Variants in PCDHA4 observed in about 807,000 individuals in gnomAD.
PCDHA4 encodes the protein protocadherin alpha-4.
A neutral mutation model predicts 61.4 loss-of-function variants in PCDHA4; 49 were observed. The ratio of observed to expected loss-of-function variants is 0.80; its 90% CI spans 0.63 to 1.01. PCDHA4 has a LOEUF of 1.01. PCDHA4 is among the 50% of genes least tolerant of loss of function. The pLI, the probability that PCDHA4 is intolerant of heterozygous loss-of-function variation, is 0.00. For synonymous variants in PCDHA4, 590 were observed against 550.3 expected, an observed-to-expected ratio of 1.07 and a Z score of -1.01; for missense variants, 1,254 against 1,235.8, an observed-to-expected ratio of 1.01 and a Z score of -0.22.
At chr5:140,966,712 T>C (rs2153748592) in intron 1 of PCDHA4, 2 of 1,392,090 alleles carry the variant, frequency 1.4e-6, no homozygotes, top group Middle Eastern at 2.7e-4. Flanking sequence ...GGGGCACGGC[T>C]GGGGAAGCTG....
intron 1 of PCDHA4, among the ~76,000 whole-genome samples, chr5:140,935,394 G>A (rs959098226): frequency 2.0e-5 from 3 of 152,088 alleles, no homozygotes; most frequent in East Asian, 1.9e-4. Flanking sequence ...GTTATCCCAC[G>A]GGACTCAAAC....
chr5:140,983,766 T>C (rs1554245666), intron 3 of PCDHA4, among the ~76,000 whole-genome samples: 2 of 152,206 alleles, frequency 1.3e-5, no homozygotes, highest in African/African-American at 4.8e-5. Flanking sequence ...TTCAAATACA[T>C]ATCTACATAC....
chr5:140,848,559 G>C, intron 1 of PCDHA4: 1 of 1,595,568 alleles, frequency 6.3e-7, no homozygotes, highest in Non-Finnish European at 8.6e-7. Context: ...TCTGATCCTC[G>C]CAATGTGGGT....
At chr5:140,823,094 T>C (rs2150122248) in intron 1 of PCDHA4, 2 of 1,614,032 alleles carry the variant, frequency 1.2e-6, no homozygotes, top group Non-Finnish European at 1.7e-6. Flanking sequence ...ACCGCCAGCG[T>C]GTCTGTGGAA....
Position 140,807,653 on chromosome 5 carries a change from G to C in PCDHA4, c.466G>C (p.Gly156Arg). Residue 156 changes from glycine (G) to arginine (R), a missense_variant, in exon 1 of 4, where the codon GGC (glycine) becomes CGC (arginine). Gly to Arg is a moderately radical substitution (Grantham distance 125). Coordinates refer to ENST00000530339, the MANE Select transcript of PCDHA4 (RefSeq NM_018907.4). ...GCTTGACTCTCGGTTTCCACTAGAG[G>C]GCGCCTCGGATGCAGATATCGGGGA... ...RPLDSRFPLE[G>R]ASDADIGENA... 1.9e-6 allele frequency: 3 copies of C among 1,614,186 alleles called. No individual in the cohort carries two copies. The highest frequency in any genetic ancestry group is 2.5e-6 in the Non-Finnish European group (3 of 1,180,028).
chr5:140,963,221 T>C (rs2095749324), intron 1 of PCDHA4, among the ~76,000 whole-genome samples: 1 of 151,808 alleles, frequency 6.6e-6, no homozygotes, highest in Admixed American at 6.6e-5. Context: ...GTGTTTAGAG[T>C]AGACACTGTT....
intron 1 of PCDHA4, among the ~76,000 whole-genome samples, chr5:140,933,379 G>A (rs1403607512): frequency 6.6e-6 from 1 of 151,928 alleles, no homozygotes; most frequent in East Asian, 1.9e-4. Flanking sequence ...TTCCTTGGCT[G>A]TTCCTAGAGC....
Position 140,927,631 on chromosome 5 carries a change from C to T in PCDHA4, c.2386-51318C>T, listed in dbSNP as rs760961070. 1.7e-5 allele frequency: 28 copies of T among 1,614,068 alleles called. No homozygotes were observed. In the Admixed American group the frequency reaches 2.5e-4, roughly 14 times the overall value. On this transcript the variant is annotated intron_variant, in intron 1 of 3. Coordinates refer to ENST00000530339, the MANE Select transcript of PCDHA4 (RefSeq NM_018907.4). ...CCGCACCAAGGTTCCAGAGACTGCA[C>T]CCAATGGGACTGTGTTATTCCGAGT...
At chr5:140,948,395 T>C (rs1317288202) in intron 1 of PCDHA4, among the ~76,000 whole-genome samples, 1 of 151,580 alleles carries the variant, frequency 6.6e-6, no homozygotes, top group African/African-American at 2.4e-5. Context: ...TTCTGAAAGG[T>C]TGTGTAATAT....
chr5:140,876,081 G>A (rs568872116), intron 1 of PCDHA4: 1 of 1,613,944 alleles, frequency 6.2e-7, no homozygotes, highest in African/African-American at 1.3e-5. Flanking sequence ...TGGACAGAGA[G>A]CAAACGCCAA....
intron 1 of PCDHA4, among the ~76,000 whole-genome samples, chr5:140,939,502 T>A (rs781895675): frequency 2.7e-5 from 4 of 150,818 alleles, no homozygotes; most frequent in Non-Finnish European, 5.9e-5. Flanking sequence ...AAATTCAATG[T>A]CTATAACATT....
chr5:140,854,725 G>GT (rs2043207581), intron 1 of PCDHA4: 1 of 149,714 alleles, frequency 6.7e-6, no homozygotes, highest in Non-Finnish European at 1.5e-5. Context: ...GAAAACTCAA[G>GT]TTTTTTTCAG....
At chr5:140,900,920 T>C (rs539511607) in intron 1 of PCDHA4, among the ~76,000 whole-genome samples, 1 of 152,322 alleles carries the variant, frequency 6.6e-6, no homozygotes, top group South Asian at 2.1e-4. Context: ...TAAGATGATA[T>C]CTCATTGTAG....
chr5:140,868,262 C>T (rs904607540), intron 1 of PCDHA4: 10 of 151,822 alleles, frequency 6.6e-5, no homozygotes, highest in African/African-American at 2.4e-4. Flanking sequence ...TTTGTGGATT[C>T]TTTTTTAAAA....
intron 1 of PCDHA4, among the ~76,000 whole-genome samples, chr5:140,962,346 TC>T (rs35212677): frequency 6.6e-6 from 1 of 152,108 alleles, no homozygotes; most frequent in Non-Finnish European, 1.5e-5. Flanking sequence ...GAAGTAAAAC[TC>T]CCCCCAATAC....
chr5:140,853,428 C>A, intron 1 of PCDHA4: 1 of 985,626 alleles, frequency 1.0e-6, no homozygotes, highest in African/African-American at 1.8e-5. Flanking sequence ...AGAAGAGACA[C>A]TTTCCTATTT....
intron 1 of PCDHA4, chr5:140,835,322 T>C: frequency 6.2e-7 from 1 of 1,613,282 alleles, no homozygotes; most frequent in Non-Finnish European, 8.5e-7. Context: ...TTGAAGAAAG[T>C]AGAGCACACA....
chr5:140,829,682 CT>C, intron 1 of PCDHA4: 1 of 1,613,258 alleles, frequency 6.2e-7, no homozygotes, highest in South Asian at 1.1e-5. Flanking sequence ...GCTAGAGCTG[CT>C]GCAGTTTCAG....
At chr5:140,817,026 G>A (rs2126677043) in intron 1 of PCDHA4, 9 of 152,288 alleles carry the variant, frequency 5.9e-5, no homozygotes, top group African/African-American at 2.2e-4. Context: ...TCATGAGAGA[G>A]AGAGTGCTGA....
Sources: gnomAD v4.1 joint callset for allele counts (sites outside exome capture counted in the v4.1 genomes callset) on GRCh38, gnomAD v4.1.1 for gene constraint, MANE v1.5 for transcripts, NCBI Gene and HGNC (gene_info 2026-07-23, HGNC 2026-07-21) for gene names.